CREB5: variants seen among roughly 807,000 people sequenced by gnomAD.
CREB5 encodes cyclic AMP-responsive element-binding protein 5.
In CREB5, 19 loss-of-function variants were observed where a neutral mutation model predicts 57.1. The observed-to-expected ratio is 0.33, with a 90% CI of 0.23 to 0.49. The LOEUF is 0.49. Ranked by LOEUF, CREB5 falls within the 20% of genes least tolerant of loss-of-function variation. The pLI is 0.99. For synonymous variants in CREB5, 238 were observed against 238.3 expected (o/e 1.00, Z 0.01); for missense variants, 579 against 671.6 (o/e 0.86, Z 1.52).
Position 28,819,145 on chromosome 7 carries a change from G to C in CREB5, c.1393G>C (p.Val465Leu). 1 of 1,613,410 alleles carries C rather than the reference G, an allele frequency of 6.2e-7. No homozygotes were observed. Among genetic ancestry groups the C allele is most frequent in the South Asian group, 1.1e-5 (1 of 91,038 alleles). Residue 465 changes from valine (V) to leucine (L), a missense_variant, in exon 11 of 11, where the codon GTC becomes CTC. Coordinates refer to ENST00000357727, the MANE Select transcript of CREB5 (RefSeq NM_182898.4). ...AGAGAGTAGCCCTCCTGCTAGTCCT[G>C]TCCCAGCTTGCTCCCAGCAACAAGT... Reference protein sequence around the residue: ...SPESSPPASPVPACSQQQVIQ... With the variant: ...SPESSPPASPLPACSQQQVIQ...
intron 3 of CREB5, among the ~76,000 whole-genome samples, chr7:28,504,985 A>AT (rs1339854272): frequency 6.6e-6 from 1 of 152,194 alleles, no homozygotes; most frequent in Non-Finnish European, 1.5e-5. Flanking sequence ...TGCCTTGCTG[A>AT]GACTACTTGT....
intron 1 of CREB5, among the ~76,000 whole-genome samples, chr7:28,469,734 T>C (rs1275090196): frequency 6.6e-6 from 1 of 152,236 alleles, no homozygotes; most frequent in African/African-American, 2.4e-5. Flanking sequence ...TGTTTACAGA[T>C]GTTAACTCTT....
At chr7:28,648,822 C>T (rs1481647774) in intron 5 of CREB5, among the ~76,000 whole-genome samples, 5 of 152,140 alleles carry the variant, frequency 3.3e-5, no homozygotes, top group African/African-American at 4.8e-5. Context: ...CCATAATATA[C>T]TTAAAGACTC....
At chr7:28,514,456 C>T (rs1380372099) in intron 4 of CREB5, among the ~76,000 whole-genome samples, 1 of 152,062 alleles carries the variant, frequency 6.6e-6, no homozygotes, top group African/African-American at 2.4e-5. Context: ...AGTGCAGTGG[C>T]GCCATCTCGG....
At chr7:28,537,914 C>T (rs1215126609) in intron 4 of CREB5, among the ~76,000 whole-genome samples, 2 of 152,148 alleles carry the variant, frequency 1.3e-5, no homozygotes, top group African/African-American at 4.8e-5. Context: ...TTAGACCTTT[C>T]ACTAGTAATT....
At chr7:28,736,824 CTTTTTTT>C (rs35313065) in intron 7 of CREB5, among the ~76,000 whole-genome samples, 3 of 134,810 alleles carry the variant, frequency 2.2e-5, no homozygotes, top group Non-Finnish European at 3.1e-5. Context: ...CTCTCTCTCT[CTTTTTTT>C]TTTTTTTTTT....
chr7:28,310,539 A>C (rs1395007014), intron 1 of CREB5, among the ~76,000 whole-genome samples: 3 of 152,246 alleles, frequency 2.0e-5, no homozygotes, highest in African/African-American at 7.2e-5. Flanking sequence ...CTTTTCAACT[A>C]TGAAATTTTT....
chr7:28,304,056 T>C (rs2127979387), intron 1 of CREB5, among the ~76,000 whole-genome samples: 1 of 152,302 alleles, frequency 6.6e-6, no homozygotes, highest in Middle Eastern at 3.4e-3. Flanking sequence ...ATGTATAAAT[T>C]AAACAGTGTT....
intron 1 of CREB5, among the ~76,000 whole-genome samples, chr7:28,360,615 A>G (rs1786455974): frequency 6.6e-6 from 1 of 152,186 alleles, no homozygotes; most frequent in Non-Finnish European, 1.5e-5. Context: ...TTTCAGTTAG[A>G]CTGGAGGAAT....
At chr7:28,743,706 T>C (rs1249654585) in intron 7 of CREB5, among the ~76,000 whole-genome samples, 1 of 151,898 alleles carries the variant, frequency 6.6e-6, no homozygotes, top group Non-Finnish European at 1.5e-5. Flanking sequence ...GTCAGTGGGG[T>C]GATTCCTCCA....
intron 5 of CREB5, among the ~76,000 whole-genome samples, chr7:28,666,908 T>G (rs1313483935): frequency 2.0e-5 from 3 of 149,738 alleles, no homozygotes; most frequent in African/African-American, 7.4e-5. Flanking sequence ...TACTCCAGCC[T>G]GGACAAAAGA....
At chr7:28,502,601 G>A (rs1466061459) in intron 3 of CREB5, among the ~76,000 whole-genome samples, 5 of 152,096 alleles carry the variant, frequency 3.3e-5, no homozygotes, top group African/African-American at 9.7e-5. Context: ...TAGACTGGCC[G>A]CTAATTCAGA....
At chr7:28,332,010 T>C (rs1163070916) in intron 1 of CREB5, among the ~76,000 whole-genome samples, 1 of 152,126 alleles carries the variant, frequency 6.6e-6, no homozygotes, top group East Asian at 1.9e-4. Flanking sequence ...TAATTCAGGA[T>C]CTTGGAATGA....
At chr7:28,505,248 A>C (rs1273923994) in intron 3 of CREB5, among the ~76,000 whole-genome samples, 1 of 152,136 alleles carries the variant, frequency 6.6e-6, no homozygotes. Flanking sequence ...ACGCACATAC[A>C]CCCTTTTACT....
At chr7:28,736,789 C>T (rs1248921788) in intron 7 of CREB5, among the ~76,000 whole-genome samples, 1 of 151,018 alleles carries the variant, frequency 6.6e-6, no homozygotes, top group Non-Finnish European at 1.5e-5. Flanking sequence ...ATTTATTATC[C>T]ATGTCAGCTA....
At chr7:28,719,049 C>T (rs913071900) in intron 6 of CREB5, among the ~76,000 whole-genome samples, 170 bp downstream of exon 6, 1 of 152,146 alleles carries the variant, frequency 6.6e-6, no homozygotes, top group Non-Finnish European at 1.5e-5. Flanking sequence ...GTTGCCCATC[C>T]CCAGGCATCG....
chr7:28,463,588 CT>C (rs1304095029), intron 1 of CREB5, among the ~76,000 whole-genome samples: 1 of 152,090 alleles, frequency 6.6e-6, no homozygotes, highest in Non-Finnish European at 1.5e-5. Context: ...TACACTTTAG[CT>C]TTTTAATGAT....
At chr7:28,582,808 C>T (rs1167239069) in intron 5 of CREB5, among the ~76,000 whole-genome samples, 1 of 152,098 alleles carries the variant, frequency 6.6e-6, no homozygotes, top group African/African-American at 2.4e-5. Flanking sequence ...AGACGGCAGA[C>T]CCCAAGGGAG....
chr7:28,495,101 C>T (rs1170800912), intron 3 of CREB5, 102 bp downstream of exon 3: 7 of 690,214 alleles, frequency 1.0e-5, no homozygotes, highest in Non-Finnish European at 1.6e-5. Context: ...AAATTGTGCA[C>T]CTTGAAAATA....
Sources: allele counts gnomAD v4.1 joint callset (sites outside exome capture counted in the v4.1 genomes callset), GRCh38; gene constraint gnomAD v4.1.1; transcripts MANE v1.5; gene names NCBI Gene and HGNC (gene_info 2026-07-23, HGNC 2026-07-21).